Variants in COL2A1 observed in about 807,000 individuals in gnomAD.
COL2A1 encodes the protein collagen alpha-1(II) chain.
In COL2A1, 28 loss-of-function variants were observed where a neutral mutation model predicts 204.5. The ratio of observed to expected loss-of-function variants is 0.14; its 90% CI spans 0.10 to 0.19. The LOEUF is 0.19. Among genes scored for constraint, COL2A1 ranks in the 10% least tolerant of loss-of-function variants. The probability of loss-of-function intolerance (pLI) is 1.00; values close to 1 mark genes in which losing one functional copy is unlikely to be tolerated. For synonymous variants in COL2A1, 708 were observed against 718.7 expected (o/e 0.99, Z 0.24); for missense variants, 1,388 against 2,027.5 (o/e 0.68, Z 6.06).
intron 26 of COL2A1, 68 bp from the exon 27 acceptor site, chr12:47,985,161 A>C: frequency 7.7e-7 from 1 of 1,292,696 alleles, no homozygotes; most frequent in Non-Finnish European, 1.1e-6. Flanking sequence ...AACATCCACT[A>C]AGGGCCTACA....
rs1299197423 is a variant in COL2A1, at chr12:47,976,504, T to A, written c.3489+10A>T. 1 of 1,614,046 alleles carries A rather than the reference T, an allele frequency of 6.2e-7. No individual in the cohort carries two copies. The highest frequency in any genetic ancestry group is 1.3e-5 in the African/African-American group (1 of 75,024). ...GGGCCCCCTCCATCTTCCAACTCCATGTCACTTACTCTAGGGCCAGAAGGA... is the reference window on the plus strand; with the variant it reads ...GGGCCCCCTCCATCTTCCAACTCCAAGTCACTTACTCTAGGGCCAGAAGGA... On this transcript the variant is annotated intron_variant, in intron 49 of 53. Coordinates refer to ENST00000380518, the MANE Select transcript of COL2A1 (RefSeq NM_001844.5). This position sits in a 1 kb window ranked among gnomAD's most constrained non-coding sequence, Gnocchi z 4.3.
At chr12:47,989,908 G>T in intron 16 of COL2A1, 103 bp from the exon 17 acceptor site, 2 of 1,140,282 alleles carry the variant, frequency 1.8e-6, no homozygotes, top group South Asian at 1.2e-5. Flanking sequence ...TGTGCCTGGG[G>T]TGTCCCAGGG....
At chr12:47,986,728 T>G in intron 22 of COL2A1, 107 bp downstream of exon 22, 2 of 1,290,390 alleles carry the variant, frequency 1.5e-6, no homozygotes, top group Non-Finnish European at 2.3e-6. Flanking sequence ...AGGACCCAGA[T>G]TGGGGGATAG....
Position 47,993,871 on chromosome 12 carries a change from C to A in COL2A1, c.871-9G>T. The A allele has an allele frequency of 6.2e-7, 1 of 1,614,182 alleles. No individual in the cohort carries two copies. Among genetic ancestry groups the A allele is most frequent in the South Asian group, 1.1e-5 (1 of 91,084 alleles). ...TCCAGGCCTGGATAACCCTAGGGAA[C>A]AAGAGAAAATGTTCAATCAGACTTC... On this transcript the variant is annotated splice_polypyrimidine_tract_variant and intron_variant, in intron 13 of 53. Transcript: ENST00000380518.
At position 47,993,823 on chromosome 12, in the gene COL2A1, C is replaced by A. The variant is rs984944183; in HGVS notation, c.910G>T (p.Ala304Ser). The A allele has an allele frequency of 6.2e-7, 1 of 1,614,128 alleles. No homozygotes were observed. The highest frequency in any genetic ancestry group is 8.5e-7 in the Non-Finnish European group (1 of 1,180,000). Reference sequence around the variant, plus strand: ...TGGCCTCTCACCTTCACACCAGGAGCACCCGCCTCTCCCTTAGCACCGTCC... The same window carrying A: ...TGGCCTCTCACCTTCACACCAGGAGAACCCGCCTCTCCCTTAGCACCGTCC... The part of the protein sequence containing the change: ...GLDGAKGEAG[A>S]PGVKGESGSP... Residue 304 changes from alanine (A) to serine (S), a missense_variant, in exon 14 of 54, where the codon GCT becomes TCT. Physicochemically the swap from Ala to Ser is moderately conservative, Grantham distance 99. Transcript: ENST00000380518.
chr12:47,987,241 G>C lies in COL2A1; in HGVS notation c.1266+28C>G. The C allele has an allele frequency of 6.2e-7, 1 of 1,613,904 alleles. No individual in the cohort carries two copies. The highest frequency in any genetic ancestry group is 8.5e-7 in the Non-Finnish European group (1 of 1,179,850). Reference sequence around the variant, plus strand: ...GAGAGGCAGGACTGGGCTCTCCTGGGGTAGCAAAGTCCACGGGCAACACTC... The same window carrying C: ...GAGAGGCAGGACTGGGCTCTCCTGGCGTAGCAAAGTCCACGGGCAACACTC... On this transcript the variant is annotated intron_variant, in intron 20 of 53. Coordinates refer to ENST00000380518, the MANE Select transcript of COL2A1 (RefSeq NM_001844.5). This position sits in a 1 kb window ranked among gnomAD's most constrained non-coding sequence, Gnocchi z 4.1.
chr12:47,973,249 G>T lies in COL2A1; in HGVS notation c.*158C>A, dbSNP rs867067070. On this transcript the variant is annotated 3_prime_UTR_variant, in exon 54 of 54. Coordinates refer to ENST00000380518, the MANE Select transcript of COL2A1 (RefSeq NM_001844.5). ...CAGTCTGCCCAGTTCAGGTCTCTTA[G>T]AAAGAGAGGGGAGAAAAGTCCGAAC... 1.3e-4 allele frequency: 115 copies of T among 906,872 alleles called. 1 individual carries two copies. In the Middle Eastern group the frequency reaches 4.1e-3, roughly 32 times the overall value. 56.2% of individuals were successfully genotyped at this position (906,872 alleles called of 1,614,324 possible).
chr12:47,983,069 C>T lies in COL2A1; in HGVS notation c.2094+24G>A, dbSNP rs201719288. 202 of 1,613,490 alleles carry T rather than the reference C, an allele frequency of 1.3e-4. 1 individual carries two copies. The East Asian group carries it at 3.2e-3, about 25-fold the overall frequency. ...CCAGGGCAGGCCCAAGGAGGCAGCC[C>T]GCATTGGCCAACAGGATACTCACCC... On this transcript the variant is annotated intron_variant, in intron 32 of 53. Transcript: ENST00000380518.
intron 16 of COL2A1, 135 bp from the exon 17 acceptor site, chr12:47,989,940 T>A: frequency 1.2e-6 from 1 of 816,688 alleles, no homozygotes; most frequent in Non-Finnish European, 2.1e-6. Flanking sequence ...GATGGCGAGG[T>A]GTGGGCTGCA....
At chr12:47,999,024 A>C (rs1326149237) in intron 2 of COL2A1, among the ~76,000 whole-genome samples, 1 of 152,226 alleles carries the variant, frequency 6.6e-6, no homozygotes, top group African/African-American at 2.4e-5. Flanking sequence ...CGGGCCCCTC[A>C]GAAAGGATCT....
In COL2A1 at chr12:47,985,759, C is replaced by A. The variant is rs186233557; in HGVS notation, c.1649G>T (p.Arg550Leu). Reference protein sequence around the residue: ...GPKGANGDPGRPGEPGLPGAR... With the variant: ...GPKGANGDPGLPGEPGLPGAR... ...TCCAGGAAGGCCAGGTTCTCCAGGA[C>A]GGCCAGGGTCACCGTTGGCTCCCTT... is the stretch of plus-strand genomic sequence containing the variant. Residue 550 changes from arginine to leucine, a missense_variant, in exon 25 of 54, where the codon CGT becomes CTT. This residue lies in a region of COL2A1 where 884 missense variants were observed against 1,415.8 expected (regional missense o/e 0.62). Transcript: ENST00000380518. 491 of 1,613,888 alleles carry A rather than the reference C, an allele frequency of 3.0e-4. 1 individual carries two copies. In the Admixed American group the frequency reaches 7.6e-3, roughly 25 times the overall value.
In COL2A1 at chr12:47,978,221, T is replaced by G. The variant is rs1592202133; in HGVS notation, c.3003+70A>C. 1 of 1,589,828 alleles carries G rather than the reference T, an allele frequency of 6.3e-7. No homozygotes were observed. Among genetic ancestry groups the G allele is most frequent in the South Asian group, 1.1e-5 (1 of 89,226 alleles). On this transcript the variant is annotated intron_variant, in intron 43 of 53. Transcript: ENST00000380518. The surrounding 1 kb of genome is among the most constrained non-coding windows in gnomAD (Gnocchi z 5.5). ...GGCAGACAAGGGACAGTCCTGAGGG[T>G]GCTGAGGGAGGTAGAAGCCTTGGCA...
At chr12:48,000,234 G>A in intron 1 of COL2A1, 109 bp from the exon 2 acceptor site, 4 of 783,692 alleles carry the variant, frequency 5.1e-6, no homozygotes, top group Non-Finnish European at 6.6e-6. Context: ...TTCAAATGCT[G>A]AAGAATGTAG....
chr12:47,997,737 G>A (rs747184522), intron 6 of COL2A1, 30 bp from the exon 7 acceptor site: 5 of 1,614,058 alleles, frequency 3.1e-6, no homozygotes, highest in Non-Finnish European at 4.2e-6. Flanking sequence ...GGCATCAATG[G>A]GAAGCAGTGT....
chr12:47,987,616 C>T lies in COL2A1; in HGVS notation c.1216G>A (p.Ala406Thr), dbSNP rs1187713792. The change falls in exon 19 of 54, where the codon GCC becomes ACC. Residue 406 changes from alanine to threonine, a missense_variant. Around this residue, in one of 3 missense-constraint regions of COL2A1, gnomAD observed 884 missense variants for 1,415.8 expected, o/e 0.62. Transcript: ENST00000380518. This position sits in a 1 kb window ranked among gnomAD's most constrained non-coding sequence, Gnocchi z 4.1. ...GTPGSPGPAG[A>T]SGNPGTDGIP... is the part of the protein sequence containing the mutation. ...CAAAGAGAAGCTGCACTTACGGAGG[C>T]ACCAGCAGGCCCAGGGGACCCAGGA... 4 of 1,611,846 alleles carry T rather than the reference C, an allele frequency of 2.5e-6. No homozygotes were observed. Among genetic ancestry groups the T allele is most frequent in the Non-Finnish European group, 3.4e-6 (4 of 1,179,030 alleles).
chr12:47,998,563 T>C, intron 2 of COL2A1, 132 bp from the exon 3 acceptor site: 2 of 917,836 alleles, frequency 2.2e-6, no homozygotes, highest in East Asian at 2.6e-5. Context: ...CAGCTTCCTG[T>C]GACTCCACTG....
At position 47,977,095 on chromosome 12, in the gene COL2A1, T is replaced by A. The variant is rs1938752510; in HGVS notation, c.3327+7A>T. ...GGGGACTCAGTGCAGGACACTTGGATACTCACCTGGATTCCCCGGGCTCCA... is the reference window on the plus strand; with the variant it reads ...GGGGACTCAGTGCAGGACACTTGGAAACTCACCTGGATTCCCCGGGCTCCA... On this transcript the variant is annotated splice_region_variant and intron_variant, in intron 47 of 53. Coordinates refer to ENST00000380518, the MANE Select transcript of COL2A1 (RefSeq NM_001844.5). The A allele has an allele frequency of 6.2e-7, 1 of 1,603,604 alleles. No homozygotes were observed. The highest frequency in any genetic ancestry group is 8.5e-7 in the Non-Finnish European group (1 of 1,175,982).
chr12:47,998,453 G>A, intron 2 of COL2A1, 22 bp from the exon 3 acceptor site: 1 of 1,608,820 alleles, frequency 6.2e-7, no homozygotes, highest in South Asian at 1.1e-5. Context: ...AAAATATAGA[G>A]AAGAAGAAGG....
chr12:47,975,756 AC>A, intron 50 of COL2A1, 151 bp from the exon 51 acceptor site: 1 of 895,786 alleles, frequency 1.1e-6, no homozygotes, highest in Non-Finnish European at 1.7e-6. Context: ...AAACCACAGC[AC>A]CATGTCTATT....
Sources: allele counts gnomAD v4.1 joint callset (sites outside exome capture counted in the v4.1 genomes callset), GRCh38; gene constraint gnomAD v4.1.1; regional missense constraint gnomAD v4.1.1; non-coding constraint Gnocchi (gnomAD v3.1); transcripts MANE v1.5; gene names NCBI Gene and HGNC (gene_info 2026-07-23, HGNC 2026-07-21).